ADAMTSL1: variants seen among roughly 807,000 people sequenced by gnomAD.
ADAMTSL1 encodes ADAMTS like 1.
A neutral mutation model predicts 201.8 loss-of-function variants in ADAMTSL1; 126 were observed. The observed-to-expected ratio is 0.62, with a 90% confidence interval of 0.54 to 0.72. The LOEUF (loss-of-function observed/expected upper bound fraction) is 0.72, where lower values mean the gene tolerates loss of function less well. Ranked by LOEUF, ADAMTSL1 falls within the 30% of genes least tolerant of loss-of-function variation. The pLI is 0.00. For missense variants in ADAMTSL1, 2,679 were observed against 2,277.8 expected, an observed-to-expected ratio of 1.18 and a Z score of -3.59; for synonymous variants, 1,121 against 903.4, an observed-to-expected ratio of 1.24 and a Z score of -4.32.
chr9:17,925,221 A>T (rs1170637752), intron 1 of ADAMTSL1, among the ~76,000 whole-genome samples: 2 of 118,844 alleles, frequency 1.7e-5, no homozygotes, highest in Non-Finnish European at 3.7e-5. Flanking sequence ...GCTGAAGAGG[A>T]TGTGGAGAAA....
chr9:18,188,591 A>G (rs1587268166), intron 2 of ADAMTSL1, among the ~76,000 whole-genome samples: 1 of 152,290 alleles, frequency 6.6e-6, no homozygotes, highest in East Asian at 1.9e-4. Flanking sequence ...TTAAGGGAAA[A>G]TAGTGCAATA....
In ADAMTSL1 at chr9:18,661,285, A is replaced by G. The variant is rs545674150; in HGVS notation, c.947-650A>G. Reference sequence around the variant, plus strand: ...GACTTTTTAAAGAGAATGACAGAAGATTTTGAATATAACAAAAATGGAACA... The same window carrying G: ...GACTTTTTAAAGAGAATGACAGAAGGTTTTGAATATAACAAAAATGGAACA... On this transcript the variant is annotated intron_variant, in intron 8 of 28. Coordinates refer to ENST00000380548, the MANE Select transcript of ADAMTSL1 (RefSeq NM_001040272.6). 1.2e-4 allele frequency among the ~76,000 whole-genome samples: 19 copies of G among 152,352 alleles called. No individual in the cohort carries two copies. In the South Asian group the frequency reaches 3.9e-3, roughly 32 times the overall value.
chr9:18,299,346 T>C (rs1833607131), intron 2 of ADAMTSL1, among the ~76,000 whole-genome samples: 1 of 152,166 alleles, frequency 6.6e-6, no homozygotes, highest in Non-Finnish European at 1.5e-5. Context: ...GAGAAAATAC[T>C]TTATCACAAA....
intron 2 of ADAMTSL1, among the ~76,000 whole-genome samples, chr9:18,454,809 CT>C (rs1342494411): frequency 1.3e-5 from 2 of 152,160 alleles, no homozygotes; most frequent in African/African-American, 4.8e-5. Context: ...GAAATTATTA[CT>C]GGTTTGCAAA....
At position 18,136,502 on chromosome 9, in the gene ADAMTSL1, A is replaced by G. The variant is rs575488745; in HGVS notation, c.88-27360A>G. On this transcript the variant is annotated intron_variant, in intron 1 of 29. Transcript: ENST00000680146. ...GAGAGATAACTGTGTAAACAGGTAC[A>G]GAATGCAAGGGTGAAGTGCTTTAGT... Among the ~76,000 whole-genome samples the G allele has an allele frequency of 5.3e-5, 8 of 152,270 alleles. No individual in the cohort carries two copies. In the South Asian group the frequency reaches 6.2e-4, roughly 12 times the overall value.
intron 2 of ADAMTSL1, among the ~76,000 whole-genome samples, chr9:18,290,506 G>A (rs1403694827): frequency 6.6e-6 from 1 of 152,112 alleles, no homozygotes; most frequent in Non-Finnish European, 1.5e-5. Flanking sequence ...AGCCATGGTA[G>A]AGGCTTGGGA....
chr9:18,444,600 A>G, intron 2 of ADAMTSL1, among the ~76,000 whole-genome samples: 1 of 152,150 alleles, frequency 6.6e-6, no homozygotes, highest in South Asian at 2.1e-4. Context: ...TCACCTGTGC[A>G]CACATTAGTT....
chr9:18,425,201 C>A (rs1483473310), intron 2 of ADAMTSL1, among the ~76,000 whole-genome samples: 1 of 151,852 alleles, frequency 6.6e-6, no homozygotes, highest in Non-Finnish European at 1.5e-5. Context: ...CCCACTTCAT[C>A]TTCTCTCCCT....
chr9:18,750,974 A>G lies in ADAMTSL1; in HGVS notation c.2007-2324A>G, dbSNP rs560491351. On this transcript the variant is annotated intron_variant, in intron 15 of 28. Coordinates refer to ENST00000380548, the MANE Select transcript of ADAMTSL1 (RefSeq NM_001040272.6). Reference sequence around the variant, plus strand: ...TCCCCACCACCGTGAGTGGGCAAAGAGAGAGCATCAAATTGGAAGCATTAT... The same window carrying G: ...TCCCCACCACCGTGAGTGGGCAAAGGGAGAGCATCAAATTGGAAGCATTAT... Among the ~76,000 whole-genome samples, 30 of 152,276 alleles carry G rather than the reference A, an allele frequency of 2.0e-4. No individual in the cohort carries two copies. The East Asian group carries it at 3.7e-3, about 19-fold the overall frequency.
intron 4 of ADAMTSL1, among the ~76,000 whole-genome samples, chr9:18,604,287 T>G (rs569886968): frequency 5.3e-5 from 8 of 152,144 alleles, no homozygotes; most frequent in African/African-American, 1.9e-4. Flanking sequence ...TAACAAAGAG[T>G]TATTAGCACA....
At chr9:17,952,243 T>C (rs2811828) in intron 1 of ADAMTSL1, among the ~76,000 whole-genome samples, 96,066 of 151,548 alleles carry the variant, frequency 0.63, 30,803 homozygotes, top group East Asian at 0.92. Flanking sequence ...TGTGAGCCAC[T>C]ACTTCCAGCC....
intron 1 of ADAMTSL1, among the ~76,000 whole-genome samples, chr9:17,969,577 G>A (rs1380384933): frequency 6.6e-6 from 1 of 151,966 alleles, no homozygotes; most frequent in Non-Finnish European, 1.5e-5. Context: ...AAATGATCAC[G>A]AGCACTGCTG....
chr9:18,046,536 G>T (rs186725958), intron 1 of ADAMTSL1, among the ~76,000 whole-genome samples: 1 of 152,272 alleles, frequency 6.6e-6, no homozygotes, highest in East Asian at 1.9e-4. Context: ...CAAGGGAGTA[G>T]TCTTTCATTT....
chr9:18,504,824 C>T lies in ADAMTSL1; in HGVS notation c.64-5C>T, dbSNP rs777177013. The T allele has an allele frequency of 6.8e-6, 11 of 1,614,194 alleles. No individual in the cohort carries two copies. The highest frequency in any genetic ancestry group is 9.3e-6 in the Non-Finnish European group (11 of 1,180,032). On this transcript the variant is annotated splice_region_variant and splice_polypyrimidine_tract_variant and intron_variant, in intron 1 of 28. Coordinates refer to ENST00000380548, the MANE Select transcript of ADAMTSL1 (RefSeq NM_001040272.6). ...TGATGCTGACCATTCTTTTGTTTCTCACAGAGTTCCAGGACCGCACGCTCC... is the reference window on the plus strand; with the variant it reads ...TGATGCTGACCATTCTTTTGTTTCTTACAGAGTTCCAGGACCGCACGCTCC...
intron 16 of ADAMTSL1, among the ~76,000 whole-genome samples, chr9:18,768,291 T>G (rs557737532): frequency 6.6e-6 from 1 of 151,896 alleles, no homozygotes; most frequent in Non-Finnish European, 1.5e-5. Context: ...CACGCAGGAG[T>G]TGCTACAACC....
chr9:18,478,986 G>C (rs1251282045), intron 1 of ADAMTSL1, among the ~76,000 whole-genome samples: 1 of 152,170 alleles, frequency 6.6e-6, no homozygotes, highest in Non-Finnish European at 1.5e-5. Flanking sequence ...TGGCTCATGA[G>C]CGGCTTAGGA....
chr9:18,231,770 C>T (rs1587361820), intron 2 of ADAMTSL1, among the ~76,000 whole-genome samples: 2 of 152,318 alleles, frequency 1.3e-5, no homozygotes, highest in East Asian at 3.9e-4. Context: ...CAGTTAGTAG[C>T]TACTCTATCT....
intron 16 of ADAMTSL1, among the ~76,000 whole-genome samples, chr9:18,763,279 T>C (rs560314417): frequency 6.6e-6 from 1 of 152,346 alleles, no homozygotes; most frequent in East Asian, 1.9e-4. Context: ...CACCTTTTCA[T>C]ATACCTGTTT....
intron 1 of ADAMTSL1, among the ~76,000 whole-genome samples, chr9:18,071,734 A>G (rs769596568): frequency 5.3e-5 from 8 of 152,208 alleles, no homozygotes; most frequent in Non-Finnish European, 1.0e-4. Flanking sequence ...AGTAGGAGAT[A>G]AGTGCTGAAG....
Sources: gnomAD v4.1 joint callset for allele counts (sites outside exome capture counted in the v4.1 genomes callset) on GRCh38, gnomAD v4.1.1 for gene constraint, MANE v1.5 for transcripts, NCBI Gene and HGNC (gene_info 2026-07-23, HGNC 2026-07-21) for gene names.